Variants in TYW1 observed in about 807,000 individuals in gnomAD.
The protein encoded by TYW1 is tRNA-yW synthesizing protein 1 homolog, also known as S-adenosyl-L-methionine-dependent tRNA 4-demethylwyosine synthase TYW1.
Under a neutral mutation model 96.2 loss-of-function variants are expected in TYW1, and 46 were observed. The observed-to-expected ratio is 0.48, with a 90% CI of 0.38 to 0.61. The LOEUF (loss-of-function observed/expected upper bound fraction) is 0.61, where lower values mean the gene tolerates loss of function less well. Among genes scored for constraint, TYW1 ranks in the 20% least tolerant of loss-of-function variants. The pLI, the probability that TYW1 is intolerant of heterozygous loss-of-function variation, is 0.00. For synonymous variants in TYW1, 274 were observed against 323.0 expected (o/e 0.85, Z 1.63); for missense variants, 684 against 909.6 (o/e 0.75, Z 3.19).
At chr7:67,213,303 G>A (rs1337705761) in intron 15 of TYW1, among the ~76,000 whole-genome samples, 2 of 152,158 alleles carry the variant, frequency 1.3e-5, no homozygotes, top group African/African-American at 4.8e-5. Context: ...AAGTAGCTGG[G>A]ACTACAGGTT....
At chr7:67,078,281 G>A (rs180774638) in intron 10 of TYW1, among the ~76,000 whole-genome samples, 10 of 152,006 alleles carry the variant, frequency 6.6e-5, no homozygotes, top group African/African-American at 2.2e-4. Context: ...ATTTTTAGTA[G>A]AGATGGGGTT....
chr7:67,005,895 A>C (rs1793564116), intron 3 of TYW1, among the ~76,000 whole-genome samples: 1 of 151,650 alleles, frequency 6.6e-6, no homozygotes, highest in Non-Finnish European at 1.5e-5. Context: ...CTTTTTTTTC[A>C]GTCTTAGTAA....
chr7:67,173,688 A>G (rs2116270056), intron 13 of TYW1, among the ~76,000 whole-genome samples: 1 of 148,216 alleles, frequency 6.7e-6, no homozygotes, highest in Non-Finnish European at 1.5e-5. Context: ...CAGTGGTGAG[A>G]GAAGACATCC....
intron 13 of TYW1, among the ~76,000 whole-genome samples, chr7:67,121,766 T>G (rs1797766691): frequency 1.3e-5 from 2 of 150,956 alleles, no homozygotes; most frequent in Non-Finnish European, 2.9e-5. Context: ...CTATTTCTGA[T>G]CTAGTACTAC....
chr7:67,076,945 T>C (rs1383155470), intron 10 of TYW1, among the ~76,000 whole-genome samples: 1 of 152,060 alleles, frequency 6.6e-6, no homozygotes, highest in Non-Finnish European at 1.5e-5. Flanking sequence ...GCTAATTTTT[T>C]ATATTTTTAG....
At chr7:67,023,139 A>G (rs1794332770) in intron 6 of TYW1, among the ~76,000 whole-genome samples, 1 of 151,712 alleles carries the variant, frequency 6.6e-6, no homozygotes, top group African/African-American at 2.4e-5. Flanking sequence ...CTCTGTTGCC[A>G]AAGCTGGAGT....
At chr7:67,136,480 C>CT (rs561822732) in intron 13 of TYW1, among the ~76,000 whole-genome samples, 2 of 151,294 alleles carry the variant, frequency 1.3e-5, no homozygotes, top group African/African-American at 2.4e-5. Context: ...TATAAATTGG[C>CT]TTTTTTTTCA....
chr7:67,111,029 C>T (rs1240279399), intron 12 of TYW1, among the ~76,000 whole-genome samples: 1 of 151,862 alleles, frequency 6.6e-6, no homozygotes, highest in Non-Finnish European at 1.5e-5. Context: ...AAGAAAATGT[C>T]TAGTGTTTAA....
chr7:67,162,175 G>A lies in TYW1; in HGVS notation c.1699-20951G>A, dbSNP rs1163697874. On this transcript the variant is annotated intron_variant, in intron 13 of 15. Coordinates refer to ENST00000359626, the MANE Select transcript of TYW1 (RefSeq NM_018264.4). ...AAAAAAACAAAAAAATTGGCCGGGCGTGGTGGCGGGTGCCTGTAGTCCCAG... is the reference window on the plus strand; with the variant it reads ...AAAAAAACAAAAAAATTGGCCGGGCATGGTGGCGGGTGCCTGTAGTCCCAG... 2.6e-5 allele frequency among the ~76,000 whole-genome samples: 4 copies of A among 151,900 alleles called. No homozygotes were observed. In the East Asian group the frequency reaches 7.7e-4, roughly 29 times the overall value.
intron 11 of TYW1, among the ~76,000 whole-genome samples, chr7:67,097,822 A>G (rs1316001517): frequency 2.6e-5 from 4 of 151,034 alleles, no homozygotes; most frequent in African/African-American, 9.7e-5. Flanking sequence ...CCTCCCAAGT[A>G]GTTGGGACCA....
At chr7:67,050,265 A>AT (rs1795314197) in intron 8 of TYW1, among the ~76,000 whole-genome samples, 199 bp downstream of exon 8, 1 of 152,004 alleles carries the variant, frequency 6.6e-6, no homozygotes, top group Non-Finnish European at 1.5e-5. Context: ...TTCTTGGTTT[A>AT]TTGGGATATT....
chr7:67,197,699 A>T (rs1383863287), intron 15 of TYW1, among the ~76,000 whole-genome samples: 4 of 152,350 alleles, frequency 2.6e-5, no homozygotes, highest in South Asian at 2.1e-4. Flanking sequence ...AACAGCCAGT[A>T]AGGAGTAGAA....
chr7:67,067,445 A>G (rs1459815014), intron 10 of TYW1, 42 bp downstream of exon 10: 1 of 1,608,568 alleles, frequency 6.2e-7, no homozygotes, highest in Non-Finnish European at 8.5e-7. Flanking sequence ...ATATGTAATG[A>G]GCTGTGGTAA....
rs377599349 is a variant in TYW1 at position 67,193,630 on chromosome 7, G to A, written c.1810-1540G>A. ...AAAAATTAGCTGGGCGTGGTGGCAC[G>A]TGCCTGTATTCCCAGCTACATGGGA... On this transcript the variant is annotated intron_variant, in intron 14 of 15. Transcript: ENST00000359626. Among the ~76,000 whole-genome samples, 9 of 152,094 alleles carry A rather than the reference G, an allele frequency of 5.9e-5. No homozygotes were observed. The East Asian group carries it at 9.7e-4, about 16-fold the overall frequency.
intron 10 of TYW1, among the ~76,000 whole-genome samples, chr7:67,070,352 T>C (rs1795995918): frequency 6.6e-6 from 1 of 152,214 alleles, no homozygotes; most frequent in Non-Finnish European, 1.5e-5. Context: ...TCTGGAACTT[T>C]TATTATGCAT....
chr7:67,123,339 A>G (rs951327008), intron 13 of TYW1, among the ~76,000 whole-genome samples: 4 of 152,214 alleles, frequency 2.6e-5, no homozygotes, highest in African/African-American at 4.8e-5. Flanking sequence ...CTAAAATACT[A>G]TCCTGCTTTC....
intron 6 of TYW1, among the ~76,000 whole-genome samples, chr7:67,024,099 AGAGGG>A (rs1394164753): frequency 1.3e-5 from 2 of 152,096 alleles, no homozygotes; most frequent in Non-Finnish European, 2.9e-5. Flanking sequence ...CTGTGACGTG[AGAGGG>A]CAGGTGAAGT....
intron 12 of TYW1, among the ~76,000 whole-genome samples, chr7:67,106,733 T>C (rs1401030360): frequency 6.6e-6 from 1 of 152,246 alleles, no homozygotes; most frequent in East Asian, 1.9e-4. Context: ...ATCATAATCA[T>C]CTATTTTACA....
chr7:67,152,683 C>G (rs1798840705), intron 13 of TYW1, among the ~76,000 whole-genome samples: 2 of 152,078 alleles, frequency 1.3e-5, no homozygotes, highest in African/African-American at 4.8e-5. Context: ...CTCACTGTAC[C>G]CTCAGCCTCC....
Sources: gnomAD v4.1 joint callset for allele counts (sites outside exome capture counted in the v4.1 genomes callset) on GRCh38, gnomAD v4.1.1 for gene constraint, MANE v1.5 for transcripts, NCBI Gene and HGNC (gene_info 2026-07-23, HGNC 2026-07-21) for gene names.